The following OR13A1 variants were observed in gnomAD, a reference collection of about 807,000 sequenced individuals.
OR13A1 encodes the protein olfactory receptor family 13 subfamily A member 1.
In OR13A1, 10 loss-of-function variants were observed where a neutral mutation model predicts 7.5. That is an observed-to-expected ratio of 1.34 (90% confidence interval 0.83 to 2.27). OR13A1 has a LOEUF of 2.27. Ranked by LOEUF, OR13A1 falls within the 30% of genes most tolerant of loss-of-function variation. OR13A1 has a pLI of 0.00. For missense variants in OR13A1, 509 were observed against 419.1 expected, an observed-to-expected ratio of 1.21 and a Z score of -1.87; for synonymous variants, 238 against 177.9, an observed-to-expected ratio of 1.34 and a Z score of -2.69.
chr10:45,312,935 C>T (rs1011407242), intron 1 of OR13A1, among the ~76,000 whole-genome samples: 1 of 151,912 alleles, frequency 6.6e-6, no homozygotes, highest in African/African-American at 2.4e-5. Flanking sequence ...CAAAAGGATG[C>T]TAAATAGTAA....
chr10:45,306,733 G>A lies in OR13A1; in HGVS notation c.-13+693C>T, dbSNP rs4369350. Among the ~76,000 whole-genome samples the A allele has an allele frequency of 4.7e-3, 709 of 152,220 alleles. 3 individuals carry two copies. Among genetic ancestry groups the A allele is most frequent in the Non-Finnish European group, 8.4e-3 (572 of 68,012 alleles). Reference sequence around the variant, plus strand: ...AAATCCCTATGACTCAGAGCAATAAGGCTATATTAGCGTGGGGTATGATCA... The same window carrying A: ...AAATCCCTATGACTCAGAGCAATAAAGCTATATTAGCGTGGGGTATGATCA... On this transcript the variant is annotated intron_variant, in intron 3 of 3. Coordinates refer to ENST00000553795, the MANE Select transcript of OR13A1 (RefSeq NM_001004297.3).
At chr10:45,305,057 C>A (rs1264433809) in intron 3 of OR13A1, among the ~76,000 whole-genome samples, 1 of 151,890 alleles carries the variant, frequency 6.6e-6, no homozygotes, top group Non-Finnish European at 1.5e-5. Context: ...ATGGTGAAAC[C>A]CCATTCTCTA....
intron 1 of OR13A1, chr10:45,308,967 A>C (rs1309286365): frequency 6.6e-6 from 1 of 152,208 alleles, no homozygotes; most frequent in Non-Finnish European, 1.5e-5. Context: ...AGAGCTGTTC[A>C]CAACTATTAC....
chr10:45,302,399 A>G (rs551169011), downstream of OR13A1: 1 of 152,210 alleles, frequency 6.6e-6, no homozygotes, highest in Admixed American at 6.5e-5. Context: ...TGTCTGTAAG[A>G]ATCTACGTGC....
chr10:45,312,283 G>A (rs1320887519), intron 1 of OR13A1, among the ~76,000 whole-genome samples: 1 of 151,784 alleles, frequency 6.6e-6, no homozygotes, highest in Non-Finnish European at 1.5e-5. Flanking sequence ...CAATAAATAT[G>A]AAGAAACTCA....
At position 45,303,936 on chromosome 10, in the gene OR13A1, C is replaced by G. The variant is rs781075700; in HGVS notation, c.487G>C (p.Ala163Pro). 3.1e-6 allele frequency: 5 copies of G among 1,613,676 alleles called. No homozygotes were observed. The South Asian group carries it at 5.5e-5, about 18-fold the overall frequency. ...GCGCAGAGCAGCCACACGGCTGTGG[C>G]CAGCCCGCTGCAGAACACCTTGCTC... ...MMSKVFCSGL[A>P]TAVWLLCAVN... Residue 163 changes from alanine (A) to proline (P), a missense_variant, in exon 4 of 4, where the codon GCC becomes CCC. Physicochemically the swap from Ala to Pro is conservative, Grantham distance 27. Transcript: ENST00000553795.
Position 45,304,078 on chromosome 10 carries a change from G to T in OR13A1, c.345C>A (p.Cys115Ter). ...SEESSISYGG[C>*]MAQLYFLTWA... ...ACGTGAGGAAATAGAGCTGGGCCATGCAGCCCCCGTAGGAGATGGAGCTCT... is the reference window on the plus strand; with the variant it reads ...ACGTGAGGAAATAGAGCTGGGCCATTCAGCCCCCGTAGGAGATGGAGCTCT... Residue 115 changes from cysteine to a stop codon, truncating the protein, a stop_gained, in exon 4 of 4, where the codon TGC becomes TGA. Coordinates refer to ENST00000553795, the MANE Select transcript of OR13A1 (RefSeq NM_001004297.3). LOFTEE classifies it high-confidence loss of function. 1 of 1,613,952 alleles carries T rather than the reference G, an allele frequency of 6.2e-7. No individual in the cohort carries two copies. The highest frequency in any genetic ancestry group is 8.5e-7 in the Non-Finnish European group (1 of 1,179,910).
intron 1 of OR13A1, among the ~76,000 whole-genome samples, chr10:45,314,400 C>T (rs1439394626): frequency 6.7e-6 from 1 of 149,684 alleles, no homozygotes; most frequent in Non-Finnish European, 1.5e-5. Context: ...AATTTGAGAC[C>T]AGCCTGGGCA....
At chr10:45,308,112 T>A (rs1317113293) in intron 1 of OR13A1, among the ~76,000 whole-genome samples, 2 of 152,246 alleles carry the variant, frequency 1.3e-5, no homozygotes, top group Non-Finnish European at 2.9e-5. Flanking sequence ...TAATCTAATG[T>A]CCTTTTATTG....
At chr10:45,307,135 C>A (rs1838347898) in intron 3 of OR13A1, among the ~76,000 whole-genome samples, 2 of 152,170 alleles carry the variant, frequency 1.3e-5, no homozygotes, top group Admixed American at 1.3e-4. Context: ...GTGCATATTA[C>A]AAACGCACCA....
At chr10:45,306,370 G>A (rs1253835085) in intron 3 of OR13A1, among the ~76,000 whole-genome samples, 5 of 151,788 alleles carry the variant, frequency 3.3e-5, no homozygotes, top group Admixed American at 6.6e-5. Flanking sequence ...GGAGAATGGC[G>A]TGAACCCGGG....
intron 1 of OR13A1, among the ~76,000 whole-genome samples, chr10:45,311,005 C>G (rs1838433076): frequency 6.6e-6 from 1 of 152,140 alleles, no homozygotes; most frequent in Non-Finnish European, 1.5e-5. Flanking sequence ...GAATGACTGA[C>G]TGAAAGAGAG....
At chr10:45,314,168 A>G in intron 1 of OR13A1, among the ~76,000 whole-genome samples, 1 of 152,212 alleles carries the variant, frequency 6.6e-6, no homozygotes, top group Non-Finnish European at 1.5e-5. Context: ...CAATGGGTCA[A>G]AAAAGAAATC....
rs1838235032 is a variant in OR13A1, at chr10:45,302,870, A to C, written c.*566T>G. 6.6e-6 allele frequency: 1 copy of C among 152,458 alleles called. No individual in the cohort carries two copies. The highest frequency in any genetic ancestry group is 1.5e-5 in the Non-Finnish European group (1 of 68,234). 9.4% of individuals were successfully genotyped at this position (152,458 alleles called of 1,614,324 possible). A position where few individuals can be genotyped will look rare whatever the true frequency, so the allele number is the denominator to read the frequency against. On this transcript the variant is annotated 3_prime_UTR_variant, in exon 4 of 4. Transcript: ENST00000553795. The stretch of plus-strand genomic sequence containing the variant: ...GTTAGTAAGAAGAAAAGACAAAAGC[A>C]GAAACAACAGTTTGCATTAAAATCA...
In OR13A1 at chr10:45,303,983, G is replaced by C; in HGVS notation, c.440C>G (p.Pro147Arg). Residue 147 changes from proline (P) to arginine (R), a missense_variant, in exon 4 of 4, where the codon CCG becomes CGG. Pro to Arg is a moderately radical substitution (Grantham distance 103, BLOSUM62 -2). Coordinates refer to ENST00000553795, the MANE Select transcript of OR13A1 (RefSeq NM_001004297.3). ...GCTCATCATGCTGCTGTAATGCAGC[G>C]GGTGGCAGATGGCTGCGTACCGGTC... ...AYDRYAAICH[P>R]LHYSSMMSKV... 6.2e-7 allele frequency: 1 copy of C among 1,612,802 alleles called. No individual in the cohort carries two copies. The highest frequency in any genetic ancestry group is 8.5e-7 in the Non-Finnish European group (1 of 1,179,186).
intron 1 of OR13A1, among the ~76,000 whole-genome samples, chr10:45,309,525 G>A (rs1467501495): frequency 2.6e-5 from 4 of 151,976 alleles, no homozygotes; most frequent in Non-Finnish European, 1.5e-5. Context: ...CAATAACATG[G>A]GCTTCAGAGT....
intron 3 of OR13A1, among the ~76,000 whole-genome samples, chr10:45,305,970 C>T (rs1838319765): frequency 6.6e-6 from 1 of 152,180 alleles, no homozygotes; most frequent in South Asian, 2.1e-4. Context: ...CTTCTTGGCA[C>T]CCAGCCCCCT....
At chr10:45,305,933 C>T (rs1838319094) in intron 3 of OR13A1, among the ~76,000 whole-genome samples, 1 of 152,240 alleles carries the variant, frequency 6.6e-6, no homozygotes, top group African/African-American at 2.4e-5. Context: ...AAGATTAACA[C>T]ATATGCCCGT....
chr10:45,306,981 T>C (rs770060126), intron 3 of OR13A1, among the ~76,000 whole-genome samples: 1 of 152,220 alleles, frequency 6.6e-6, no homozygotes, highest in Admixed American at 6.5e-5. Flanking sequence ...AGTGAGTGAC[T>C]CCTCTTTAAC....
Sources: allele counts gnomAD v4.1 joint callset (sites outside exome capture counted in the v4.1 genomes callset), GRCh38; gene constraint gnomAD v4.1.1; transcripts MANE v1.5; gene names NCBI Gene and HGNC (gene_info 2026-07-23, HGNC 2026-07-21).